Variants in RREB1 observed in about 807,000 individuals in gnomAD.
The protein encoded by RREB1 is ras-responsive element-binding protein 1.
RREB1 carries 27 observed loss-of-function variants against 117.8 expected under a neutral mutation model. The observed-to-expected ratio is 0.23, with a 90% CI of 0.17 to 0.32. RREB1 has a LOEUF of 0.32. Among genes scored for constraint, RREB1 ranks in the 10% least tolerant of loss-of-function variants. The pLI, the probability that RREB1 is intolerant of heterozygous loss-of-function variation, is 1.00. For synonymous variants in RREB1, 1,298 were observed against 1,026.7 expected (o/e 1.26, Z -5.05); for missense variants, 2,577 against 2,378.2 (o/e 1.08, Z -1.74).
intron 1 of RREB1, among the ~76,000 whole-genome samples, chr6:7,159,233 G>T (rs180921516): frequency 6.6e-6 from 1 of 152,250 alleles, no homozygotes; most frequent in East Asian, 1.9e-4. Flanking sequence ...CCCCTTTGAG[G>T]TTCCTAGGAA....
intron 9 of RREB1, 63 bp downstream of exon 9, chr6:7,226,719 A>G: frequency 4.7e-6 from 6 of 1,271,748 alleles, no homozygotes; most frequent in South Asian, 1.4e-5. Context: ...CAGTTAGACC[A>G]TGGGAACTTC....
At chr6:7,137,035 A>G (rs1762371722) in intron 1 of RREB1, among the ~76,000 whole-genome samples, 1 of 152,162 alleles carries the variant, frequency 6.6e-6, no homozygotes, top group Non-Finnish European at 1.5e-5. Flanking sequence ...CTTCGAGAAG[A>G]TGGAGGAAGC....
chr6:7,166,739 T>C (rs1763946344), intron 1 of RREB1, among the ~76,000 whole-genome samples: 1 of 152,216 alleles, frequency 6.6e-6, no homozygotes, highest in African/African-American at 2.4e-5. Flanking sequence ...TCATCCTGAA[T>C]TCTGGGAATT....
At chr6:7,177,281 A>G (rs1261055671) in intron 2 of RREB1, among the ~76,000 whole-genome samples, 3 of 147,826 alleles carry the variant, frequency 2.0e-5, no homozygotes, top group Non-Finnish European at 3.0e-5. Flanking sequence ...TTAGTTCTTG[A>G]TCTGATGGGC....
At chr6:7,141,311 C>T (rs1392726091) in intron 1 of RREB1, among the ~76,000 whole-genome samples, 1 of 152,224 alleles carries the variant, frequency 6.6e-6, no homozygotes, top group Non-Finnish European at 1.5e-5. Flanking sequence ...GCGGATCTTG[C>T]CGCACTTTCC....
rs1386884328 is a variant in RREB1, at chr6:7,230,928, C to T, written c.2829C>T (p.Phe943=). ...EPIDLSIPKN[F]RKGDKDLATP... is the part of the protein sequence containing the mutation. ...TCGACCTGTCCATCCCCAAGAACTTCAGGAAAGGGGACAAGGATTTGGCCA... is the reference window on the plus strand; with the variant it reads ...TCGACCTGTCCATCCCCAAGAACTTTAGGAAAGGGGACAAGGATTTGGCCA... The change falls in exon 10 of 13, where the codon TTC becomes TTT. Residue 943 remains phenylalanine (F), a synonymous_variant. Coordinates refer to ENST00000379938, the MANE Select transcript of RREB1 (RefSeq NM_001003699.4). The T allele has an allele frequency of 6.2e-7, 1 of 1,614,072 alleles. No homozygotes were observed. Among genetic ancestry groups the T allele is most frequent in the Non-Finnish European group, 8.5e-7 (1 of 1,179,938 alleles).
At chr6:7,241,029 C>A (rs919805549) in intron 11 of RREB1, among the ~76,000 whole-genome samples, 3 of 152,148 alleles carry the variant, frequency 2.0e-5, no homozygotes, top group African/African-American at 4.8e-5. Context: ...CAGGCCTGGG[C>A]TCCCTGGGAT....
rs1055136949 is a variant in RREB1 at position 7,231,921 on chromosome 6, C to T, written c.3808+14C>T. ...TCACACACACTGGTAAGAGGGCCACCGGGCTCCCAGGCAGTGAGTCCTACT... is the reference window on the plus strand; with the variant it reads ...TCACACACACTGGTAAGAGGGCCACTGGGCTCCCAGGCAGTGAGTCCTACT... On this transcript the variant is annotated intron_variant, in intron 10 of 12. Coordinates refer to ENST00000379938, the MANE Select transcript of RREB1 (RefSeq NM_001003699.4). 1.5e-5 allele frequency: 23 copies of T among 1,566,686 alleles called. 1 individual carries two copies. In the Middle Eastern group the frequency reaches 6.8e-4, roughly 47 times the overall value.
Position 7,181,253 on chromosome 6 carries a change from A to G in RREB1, c.-43+7A>G. 2.5e-6 allele frequency: 1 copy of G among 399,120 alleles called. No homozygotes were observed. Among genetic ancestry groups the G allele is most frequent in the Non-Finnish European group, 4.4e-6 (1 of 226,452 alleles). 24.7% of individuals were successfully genotyped at this position (399,120 alleles called of 1,614,324 possible). ...AGTGGGTCAGAAAATGGAGGTAATC[A>G]GCAGTGTGGCGGGAGGGTTCTTCTT... On this transcript the variant is annotated splice_region_variant and intron_variant, in intron 3 of 12. Transcript: ENST00000379938.
chr6:7,248,959 G>A lies in RREB1; in HGVS notation c.5220G>A (p.Gly1740=). ...CTGATGGCGCCTCCCAGCTCGTGGG[G>A]ATGGAGTGACAGCCTCAGTCCCCCT... is the stretch of plus-strand genomic sequence containing the variant. ...ATADGASQLV[G]ME The change falls in exon 13 of 13, where the codon GGG becomes GGA. Residue 1740 remains glycine, a synonymous_variant. Transcript: ENST00000379938. 1 of 1,481,130 alleles carries A rather than the reference G, an allele frequency of 6.8e-7. No homozygotes were observed. The highest frequency in any genetic ancestry group is 1.4e-5 in the South Asian group (1 of 73,732). The allele number at this position is 1,481,130 out of a possible 1,614,324, so 91.7% of individuals were successfully genotyped here.
At chr6:7,154,588 G>C (rs1278435613) in intron 1 of RREB1, among the ~76,000 whole-genome samples, 1 of 152,170 alleles carries the variant, frequency 6.6e-6, no homozygotes, top group Non-Finnish European at 1.5e-5. Context: ...CTATTTCTCA[G>C]AACAGTCATA....
chr6:7,231,503 G>T lies in RREB1; in HGVS notation c.3404G>T (p.Ser1135Ile), dbSNP rs116295722. ...AGTGAGCCTCCCGCTCCAGCCAGCA[G>T]CCCAGAGGCTGCCTCTCCCACCGAG... ...ESSEPPAPAS[S>I]PEAASPTEQG... is the part of the protein sequence containing the mutation. The change falls in exon 10 of 13, where the codon AGC becomes ATC. Residue 1135 changes from serine to isoleucine, a missense_variant. By Grantham distance (142) the Ser-to-Ile change is moderately radical. Transcript: ENST00000379938. 487 of 1,610,080 alleles carry T rather than the reference G, an allele frequency of 3.0e-4. No homozygotes were observed. The African/African-American group carries it at 5.8e-3, about 19-fold the overall frequency.
chr6:7,161,482 T>C (rs1417287496), intron 1 of RREB1, among the ~76,000 whole-genome samples: 2 of 152,160 alleles, frequency 1.3e-5, no homozygotes. Context: ...CAACTGTTCA[T>C]AGAGTTCAGT....
rs190475592 is a variant in RREB1 at position 7,123,302 on chromosome 6, C to T, written c.-285+15242C>T. On this transcript the variant is annotated intron_variant, in intron 1 of 12. Coordinates refer to ENST00000379938, the MANE Select transcript of RREB1 (RefSeq NM_001003699.4). ...CCTCCTGAGGAGCTGGGACTCTGTA[C>T]AGGCGCGTGCCGCCACGCCCAGCTA... Among the ~76,000 whole-genome samples, 63 of 152,196 alleles carry T rather than the reference C, an allele frequency of 4.1e-4. No individual in the cohort carries two copies. The East Asian group carries it at 8.7e-3, about 21-fold the overall frequency.
At chr6:7,131,367 T>A (rs911406307) in intron 1 of RREB1, among the ~76,000 whole-genome samples, 2 of 152,256 alleles carry the variant, frequency 1.3e-5, no homozygotes, top group African/African-American at 4.8e-5. Context: ...GAAGGTGGCA[T>A]TTGGGGAGGT....
At chr6:7,240,374 A>G in intron 10 of RREB1, 64 bp from the exon 11 acceptor site, 3 of 1,414,914 alleles carry the variant, frequency 2.1e-6, no homozygotes, top group Non-Finnish European at 2.9e-6. Context: ...AATAAACAAA[A>G]GCGACTTTTC....
chr6:7,194,605 T>C (rs1765576236), intron 6 of RREB1, among the ~76,000 whole-genome samples: 1 of 152,166 alleles, frequency 6.6e-6, no homozygotes, highest in African/African-American at 2.4e-5. Flanking sequence ...TTCCTTATTT[T>C]GAGGCACCTT....
intron 10 of RREB1, 76 bp downstream of exon 10, chr6:7,231,983 G>C (rs575905989): frequency 3.0e-5 from 42 of 1,392,958 alleles, no homozygotes; most frequent in Non-Finnish European, 4.1e-5. Flanking sequence ...GGTCAAAAGC[G>C]AGACCCATCT....
At chr6:7,202,181 G>A (rs1053262805) in intron 6 of RREB1, among the ~76,000 whole-genome samples, 6 of 151,962 alleles carry the variant, frequency 3.9e-5, no homozygotes, top group Admixed American at 2.0e-4. Flanking sequence ...TCTTGCACTC[G>A]CCCACGGCAC....
Sources: gnomAD v4.1 joint callset for allele counts (sites outside exome capture counted in the v4.1 genomes callset) on GRCh38, gnomAD v4.1.1 for gene constraint, MANE v1.5 for transcripts, NCBI Gene and HGNC (gene_info 2026-07-23, HGNC 2026-07-21) for gene names.